COL14A1: variants seen among roughly 807,000 people sequenced by gnomAD.
The protein encoded by COL14A1 is collagen alpha-1(XIV) chain.
Under a neutral mutation model 230.3 loss-of-function variants are expected in COL14A1, and 136 were observed. That is an observed-to-expected ratio of 0.59 (90% CI 0.51 to 0.68). COL14A1 has a LOEUF of 0.68. Among genes scored for constraint, COL14A1 ranks in the 30% least tolerant of loss-of-function variants. COL14A1 has a pLI of 0.00. For synonymous variants in COL14A1, 792 were observed against 784.1 expected (o/e 1.01, Z -0.17); for missense variants, 1,976 against 2,215.8 (o/e 0.89, Z 2.17).
At position 120,371,220 on chromosome 8, in the gene COL14A1, C is replaced by T; in HGVS notation, c.5380C>T (p.Pro1794Ser). The change falls in exon 48 of 48, where the codon CCT becomes TCT. Residue 1794 changes from proline to serine, a missense_variant. Pro to Ser is a moderately conservative substitution (Grantham distance 74). Transcript: ENST00000297848. ...GCTGGAAGCCATGGAACTGTGGGGC[C>T]CTGGAGTCTGATAGCCTCAGGAGAA... is the stretch of plus-strand genomic sequence containing the variant. ...DELEAMELWG[P>S]GV 3 of 1,610,578 alleles carry T rather than the reference C, an allele frequency of 1.9e-6. No homozygotes were observed. Among genetic ancestry groups the T allele is most frequent in the Non-Finnish European group, 8.5e-7 (1 of 1,178,390 alleles).
intron 9 of COL14A1, among the ~76,000 whole-genome samples, chr8:120,206,231 C>A (rs1037161143): frequency 6.6e-6 from 1 of 152,092 alleles, no homozygotes; most frequent in Non-Finnish European, 1.5e-5. Flanking sequence ...CATTGATTTT[C>A]TCATATATGA....
intron 35 of COL14A1, among the ~76,000 whole-genome samples, chr8:120,298,327 C>T (rs889575950): frequency 6.6e-6 from 1 of 151,468 alleles, no homozygotes; most frequent in Non-Finnish European, 1.5e-5. Flanking sequence ...TCACAGGACC[C>T]CTGTGAGCTC....
rs528347002 is a variant in COL14A1 at position 120,320,785 on chromosome 8, A to T, written c.4659+4788A>T. Among the ~76,000 whole-genome samples the T allele has an allele frequency of 2.0e-5, 3 of 152,304 alleles. No individual in the cohort carries two copies. The South Asian group carries it at 6.2e-4, about 32-fold the overall frequency. ...CTTTGCACAATCAGCCACAGTGATG[A>T]TGGTATATGCAGTTGAGACTGAACA... On this transcript the variant is annotated intron_variant, in intron 40 of 47. Transcript: ENST00000297848.
chr8:120,220,517 C>T (rs1817898146), intron 14 of COL14A1, among the ~76,000 whole-genome samples: 1 of 152,168 alleles, frequency 6.6e-6, no homozygotes, highest in East Asian at 1.9e-4. Context: ...CGTGATCTGC[C>T]CACCTCGGCC....
chr8:120,126,765 T>C (rs1454749237), intron 1 of COL14A1, among the ~76,000 whole-genome samples: 1 of 152,174 alleles, frequency 6.6e-6, no homozygotes, highest in African/African-American at 2.4e-5. Flanking sequence ...AGTCTGCACA[T>C]AGAGAACTCA....
chr8:120,208,155 C>T (rs1817500986), intron 10 of COL14A1, 77 bp from the exon 11 acceptor site: 6 of 1,388,868 alleles, frequency 4.3e-6, no homozygotes, highest in South Asian at 3.0e-5. Flanking sequence ...TTTTGCTGGA[C>T]GTATTTTCGC....
chr8:120,360,600 C>A (rs961854704), intron 45 of COL14A1, among the ~76,000 whole-genome samples: 16 of 152,212 alleles, frequency 1.1e-4, no homozygotes, highest in African/African-American at 3.9e-4. Context: ...ATTTTGGGCT[C>A]AGCCATATTG....
chr8:120,330,107 T>C (rs529525787), intron 40 of COL14A1, among the ~76,000 whole-genome samples: 109 of 152,324 alleles, frequency 7.2e-4, no homozygotes, highest in African/African-American at 2.5e-3. Context: ...CCACTTTTCA[T>C]TGGCCAGAAC....
At chr8:120,218,467 G>T (rs1817833764) in intron 14 of COL14A1, among the ~76,000 whole-genome samples, 1 of 151,588 alleles carries the variant, frequency 6.6e-6, no homozygotes, top group African/African-American at 2.4e-5. Context: ...GCGCCACTGT[G>T]CCCAGCTAAT....
rs551357509 is a variant in COL14A1, at chr8:120,184,687, G to C, written c.437-12104G>C. Among the ~76,000 whole-genome samples the C allele has an allele frequency of 1.3e-4, 20 of 152,290 alleles. No individual in the cohort carries two copies. The East Asian group carries it at 3.9e-3, about 29-fold the overall frequency. The stretch of plus-strand genomic sequence containing the variant: ...TCAAATCCAATGGCCTGAGAGCCAG[G>C]AGAGCTGATAGTATAAGTTCTAATC... On this transcript the variant is annotated intron_variant, in intron 5 of 47. Coordinates refer to ENST00000297848, the MANE Select transcript of COL14A1 (RefSeq NM_021110.4).
chr8:120,193,766 C>A (rs1265757197), intron 5 of COL14A1, among the ~76,000 whole-genome samples: 1 of 152,196 alleles, frequency 6.6e-6, no homozygotes, highest in African/African-American at 2.4e-5. Flanking sequence ...GGTGCCCCTC[C>A]CCCAGCCTCG....
At chr8:120,282,324 C>T (rs1224210764) in intron 31 of COL14A1, among the ~76,000 whole-genome samples, 2 of 152,202 alleles carry the variant, frequency 1.3e-5, no homozygotes, top group African/African-American at 2.4e-5. Context: ...CCCCACCTAG[C>T]TCACTCAGAC....
rs531656103 is a variant in COL14A1 at position 120,193,962 on chromosome 8, T to C, written c.437-2829T>C. Reference sequence around the variant, plus strand: ...CCAGGTGCCATCTGTCACCCCTTTCTTTGACTAGGAAAGGGAACTCCCTGA... The same window carrying C: ...CCAGGTGCCATCTGTCACCCCTTTCCTTGACTAGGAAAGGGAACTCCCTGA... On this transcript the variant is annotated intron_variant, in intron 5 of 47. Coordinates refer to ENST00000297848, the MANE Select transcript of COL14A1 (RefSeq NM_021110.4). 4.6e-5 allele frequency among the ~76,000 whole-genome samples: 7 copies of C among 152,272 alleles called. No homozygotes were observed. The Middle Eastern group carries it at 0.014, about 296-fold the overall frequency.
intron 1 of COL14A1, among the ~76,000 whole-genome samples, chr8:120,127,512 A>C (rs1348687886): frequency 6.6e-6 from 1 of 152,210 alleles, no homozygotes. Flanking sequence ...CGTCCAGCTG[A>C]GGATTTCAGA....
chr8:120,297,188 G>A (rs761705946), intron 34 of COL14A1, among the ~76,000 whole-genome samples: 9 of 151,948 alleles, frequency 5.9e-5, no homozygotes, highest in Non-Finnish European at 1.3e-4. Context: ...TGACTACAGA[G>A]TCATTTGGGA....
chr8:120,366,951 C>T (rs890742032), intron 45 of COL14A1, among the ~76,000 whole-genome samples: 1 of 152,168 alleles, frequency 6.6e-6, no homozygotes, highest in Non-Finnish European at 1.5e-5. Context: ...ATAGCAAATA[C>T]AGACCACACA....
chr8:120,285,463 C>CAAAAAA (rs1218052645), intron 32 of COL14A1, among the ~76,000 whole-genome samples: 2 of 64,980 alleles, frequency 3.1e-5, no homozygotes, highest in Admixed American at 3.9e-4. Context: ...GACTCCATCT[C>CAAAAAA]AAAAAAAAAA....
intron 42 of COL14A1, among the ~76,000 whole-genome samples, chr8:120,334,654 C>T (rs1352943105): frequency 2.0e-5 from 3 of 150,442 alleles, no homozygotes; most frequent in Admixed American, 6.7e-5. Context: ...CTTATCTATT[C>T]GTTTGATTCT....
chr8:120,334,802 A>G (rs924128642), intron 42 of COL14A1, among the ~76,000 whole-genome samples: 1 of 152,200 alleles, frequency 6.6e-6, no homozygotes, highest in African/African-American at 2.4e-5. Context: ...GTCCTGGTCA[A>G]AGAAGTGGCC....
Sources: allele counts gnomAD v4.1 joint callset (sites outside exome capture counted in the v4.1 genomes callset), GRCh38; gene constraint gnomAD v4.1.1; transcripts MANE v1.5; gene names NCBI Gene and HGNC (gene_info 2026-07-23, HGNC 2026-07-21).